Variants in SH3TC2 observed in about 807,000 individuals in gnomAD.
SH3TC2 encodes the protein SH3 domain and tetratricopeptide repeats 2.
SH3TC2 carries 87 observed loss-of-function variants against 124.5 expected under a neutral mutation model. The observed-to-expected ratio is 0.70, with a 90% CI of 0.59 to 0.84. SH3TC2 has a LOEUF of 0.84. Among genes scored for constraint, SH3TC2 ranks in the 40% least tolerant of loss-of-function variants. SH3TC2 has a pLI of 0.00. For synonymous variants in SH3TC2, 634 were observed against 628.5 expected, an observed-to-expected ratio of 1.01 and a Z score of -0.13; for missense variants, 1,536 against 1,566.4, an observed-to-expected ratio of 0.98 and a Z score of 0.33.
chr5:149,040,537 C>A lies in SH3TC2; in HGVS notation c.805+67G>T. 5 of 1,417,452 alleles carry A rather than the reference C, an allele frequency of 3.5e-6. No homozygotes were observed. The South Asian group carries it at 5.7e-5, about 16-fold the overall frequency. The allele number at this position is 1,417,452 out of a possible 1,614,324, so 87.8% of individuals were successfully genotyped here. ...TTCACATCAACTGACTCCAAACCTG[C>A]AGATAAAATTGAGAGGCAGGACAAC... is the stretch of plus-strand genomic sequence containing the variant. On this transcript the variant is annotated intron_variant, in intron 7 of 16. Transcript: ENST00000515425.
chr5:149,012,871 C>T, intron 12 of SH3TC2, 137 bp from the exon 13 acceptor site: 1 of 923,476 alleles, frequency 1.1e-6, no homozygotes. Flanking sequence ...TGATTGAATG[C>T]CAGCTCTACC....
At position 149,041,557 on chromosome 5, in the gene SH3TC2, C is replaced by T. The variant is rs1031819011; in HGVS notation, c.590G>A (p.Cys197Tyr). 1.9e-6 allele frequency: 3 copies of T among 1,614,238 alleles called. No homozygotes were observed. Among genetic ancestry groups the T allele is most frequent in the African/African-American group, 1.3e-5 (1 of 75,050 alleles). The change falls in exon 6 of 17, where the codon TGC becomes TAC. Residue 197 changes from cysteine (C) to tyrosine (Y), a missense_variant. This residue lies in a region of SH3TC2 where 1,102 missense variants were observed against 1,098.6 expected (regional missense o/e 1.00). Transcript: ENST00000515425. ...TAACTCATTCTTGCAAAGTGTCAAGCATTCCCCTTCCTTCTCGGCTGGTGG... is the reference window on the plus strand; with the variant it reads ...TAACTCATTCTTGCAAAGTGTCAAGTATTCCCCTTCCTTCTCGGCTGGTGG... ...VTPPAEKEGE[C>Y]LTLCKNELIS...
rs1580878331 is a variant in SH3TC2, at chr5:148,991,859, G to A, written c.*12852C>T. On this transcript the variant is annotated 3_prime_UTR_variant, in exon 17 of 17. Coordinates refer to ENST00000515425, the MANE Select transcript of SH3TC2 (RefSeq NM_024577.4). The stretch of plus-strand genomic sequence containing the variant: ...ATCATCACATGGGACTTTATCCATG[G>A]AGGTGAGCCTCCTCTTGCACTGGAA... Among the ~76,000 whole-genome samples the A allele has an allele frequency of 6.6e-6, 1 of 152,202 alleles. No homozygotes were observed. The highest frequency in any genetic ancestry group is 2.4e-5 in the African/African-American group (1 of 41,458).
In SH3TC2 at chr5:148,993,575, C is replaced by T. The variant is rs1753455703; in HGVS notation, c.*11136G>A. Among the ~76,000 whole-genome samples, 1 of 151,984 alleles carries T rather than the reference C, an allele frequency of 6.6e-6. No homozygotes were observed. Among genetic ancestry groups the T allele is most frequent in the Admixed American group, 6.6e-5 (1 of 15,264 alleles). On this transcript the variant is annotated 3_prime_UTR_variant, in exon 17 of 17. Transcript: ENST00000515425. ...AGTTATAAGCATGGAGTCAAAACACCCTCAGCAATATATCACGGAGGTCAA... is the reference window on the plus strand; with the variant it reads ...AGTTATAAGCATGGAGTCAAAACACTCTCAGCAATATATCACGGAGGTCAA...
rs1002803686 is a variant in SH3TC2, at chr5:149,000,039, T to C, written c.*4672A>G. ...GTAAGTGTCCCTTTCAGAACTCAGT[T>C]TGGATATCACGTCCTCCAGAAAGCC... On this transcript the variant is annotated 3_prime_UTR_variant, in exon 17 of 17. Coordinates refer to ENST00000515425, the MANE Select transcript of SH3TC2 (RefSeq NM_024577.4). Among the ~76,000 whole-genome samples, 5 of 152,172 alleles carry C rather than the reference T, an allele frequency of 3.3e-5. No homozygotes were observed. Among genetic ancestry groups the C allele is most frequent in the Non-Finnish European group, 7.4e-5 (5 of 68,018 alleles).
At chr5:149,039,844 T>C (rs576403142) in intron 7 of SH3TC2, among the ~76,000 whole-genome samples, 1 of 152,330 alleles carries the variant, frequency 6.6e-6, no homozygotes, top group South Asian at 2.1e-4. Flanking sequence ...TTGTTTGTCA[T>C]CAGTAATTTA....
At chr5:149,017,679 T>C (rs1753898757) in intron 12 of SH3TC2, among the ~76,000 whole-genome samples, 1 of 152,216 alleles carries the variant, frequency 6.6e-6, no homozygotes, top group Admixed American at 6.5e-5. Context: ...TTGTCTGGAC[T>C]CTCTGTGGCA....
At chr5:149,044,688 T>C in intron 3 of SH3TC2, 50 bp from the exon 4 acceptor site, 2 of 1,403,770 alleles carry the variant, frequency 1.4e-6, no homozygotes, top group Non-Finnish European at 1.0e-6. Context: ...AGTGTCCCAT[T>C]AGCAAGCTCT....
intron 12 of SH3TC2, among the ~76,000 whole-genome samples, chr5:149,019,921 T>G (rs1303854085): frequency 6.6e-6 from 1 of 152,228 alleles, no homozygotes; most frequent in East Asian, 1.9e-4. Flanking sequence ...GAACTGTTAC[T>G]GTTTGATCTG....
rs773335065 is a variant in SH3TC2 at position 149,004,656 on chromosome 5, G to A, written c.*55C>T. 1.3e-5 allele frequency: 20 copies of A among 1,591,544 alleles called. No individual in the cohort carries two copies. The highest frequency in any genetic ancestry group is 1.6e-5 in the Non-Finnish European group (19 of 1,164,852). On this transcript the variant is annotated 3_prime_UTR_variant, in exon 17 of 17. Transcript: ENST00000515425. ...TCCCAATGAGTATTTAAGAGCCTAGGGCAGTGGGGTCAGAGTCTGGCCATG... is the reference window on the plus strand; with the variant it reads ...TCCCAATGAGTATTTAAGAGCCTAGAGCAGTGGGGTCAGAGTCTGGCCATG...
chr5:149,009,099 G>C, intron 14 of SH3TC2, 98 bp from the exon 15 acceptor site: 1 of 1,452,904 alleles, frequency 6.9e-7, no homozygotes, highest in Non-Finnish European at 9.7e-7. Flanking sequence ...GTTGGGGAAC[G>C]GCAGTGGACT....
intron 8 of SH3TC2, chr5:149,034,611 C>T (rs1433075804): frequency 4.7e-5 from 11 of 231,634 alleles, no homozygotes; most frequent in Non-Finnish European, 7.2e-5. Context: ...ATTTCTCCTA[C>T]GCCTCCTTTC....
intron 12 of SH3TC2, among the ~76,000 whole-genome samples, chr5:149,021,335 A>C (rs1753965145): frequency 6.6e-6 from 1 of 152,136 alleles, no homozygotes; most frequent in Non-Finnish European, 1.5e-5. Flanking sequence ...AAAGAGAAAA[A>C]AATCTCAAAT....
chr5:149,031,622 T>C lies in SH3TC2; in HGVS notation c.1067A>G (p.Lys356Arg). ...RCSLLALGSD[K>R]QTECSSFLHT... ...GAGGAAGCTGGAACACTCAGTCTGC[T>C]TATCACTTCCCAGGGCCAACAGGGA... Residue 356 changes from lysine to arginine, a missense_variant, in exon 9 of 17, where the codon AAG becomes AGG. By Grantham distance (26) the Lys-to-Arg change is conservative (BLOSUM62 2). Coordinates refer to ENST00000515425, the MANE Select transcript of SH3TC2 (RefSeq NM_024577.4). The C allele has an allele frequency of 6.2e-7, 1 of 1,614,136 alleles. No individual in the cohort carries two copies. Among genetic ancestry groups the C allele is most frequent in the Non-Finnish European group, 8.5e-7 (1 of 1,180,030 alleles).
At chr5:149,009,633 G>A (rs896964094) in intron 14 of SH3TC2, among the ~76,000 whole-genome samples, 3 of 152,066 alleles carry the variant, frequency 2.0e-5, no homozygotes, top group South Asian at 2.1e-4. Flanking sequence ...AAAATTTTAC[G>A]ATCAAATTAG....
rs759466373 is a variant in SH3TC2, at chr5:149,041,416, T to C, written c.731A>G (p.Gln244Arg). The change falls in exon 6 of 17, where the codon CAG becomes CGG. Residue 244 changes from glutamine to arginine, a missense_variant and splice_region_variant. Gln to Arg is a conservative substitution (Grantham distance 43, BLOSUM62 1). This residue lies in a region of SH3TC2 where 1,102 missense variants were observed against 1,098.6 expected (regional missense o/e 1.00). Transcript: ENST00000515425. ...ALEPLPLPFHQWFLKNYPGSC... is the reference protein window; with the variant it reads ...ALEPLPLPFHRWFLKNYPGSC... ...TCCCAGGAGGCAGATGGCTACTCAC[T>C]GGTGGAAAGGGAGAGGCAGAGGCTC... 2 of 1,612,548 alleles carry C rather than the reference T, an allele frequency of 1.2e-6. No individual in the cohort carries two copies. Among genetic ancestry groups the C allele is most frequent in the Non-Finnish European group, 1.7e-6 (2 of 1,179,976 alleles).
rs987464500 is a variant in SH3TC2 at position 148,989,277 on chromosome 5, A to AT, written c.*15433dup. 4.5e-4 allele frequency among the ~76,000 whole-genome samples: 68 copies of AT among 152,328 alleles called. No individual in the cohort carries two copies. Among genetic ancestry groups the AT allele is most frequent in the African/African-American group, 1.5e-3 (63 of 41,570 alleles). On this transcript the variant is annotated 3_prime_UTR_variant, in exon 17 of 17. Coordinates refer to ENST00000515425, the MANE Select transcript of SH3TC2 (RefSeq NM_024577.4). ...CTGCTTTAGACATATTAATTCATTA[A>AT]TTTTACAATAACTTTGCTATATAGG...
At position 149,022,787 on chromosome 5, in the gene SH3TC2, CAA is replaced by C. The variant is rs1753996879; in HGVS notation, c.3053+3783_3053+3784del. Reference sequence around the variant, plus strand: ...TATGCTAAGTGAAAGAAGCCAGACACAAAAGGACAAATACTGTATGATACCAT... The same window carrying C: ...TATGCTAAGTGAAAGAAGCCAGACACAAGGACAAATACTGTATGATACCAT... On this transcript the variant is annotated intron_variant, in intron 12 of 16. Transcript: ENST00000515425. Among the ~76,000 whole-genome samples the C allele has an allele frequency of 2.0e-5, 3 of 152,272 alleles. No homozygotes were observed. The South Asian group carries it at 6.2e-4, about 32-fold the overall frequency.
Position 148,997,852 on chromosome 5 carries a change from G to A in SH3TC2, c.*6859C>T, listed in dbSNP as rs567243905. On this transcript the variant is annotated 3_prime_UTR_variant, in exon 17 of 17. Transcript: ENST00000515425. ...ACACCAAAATGTTGTGTGATTACAT[G>A]AGAGTCATCACAAAGGTTTTGCATG... Among the ~76,000 whole-genome samples, 11 of 152,352 alleles carry A rather than the reference G, an allele frequency of 7.2e-5. No homozygotes were observed. In the South Asian group the frequency reaches 2.3e-3, roughly 32 times the overall value.
Sources: gnomAD v4.1 joint callset for allele counts (sites outside exome capture counted in the v4.1 genomes callset) on GRCh38, gnomAD v4.1.1 for gene constraint, gnomAD v4.1.1 regional missense constraint, MANE v1.5 for transcripts, NCBI Gene and HGNC (gene_info 2026-07-23, HGNC 2026-07-21) for gene names.